GPHN: variants seen among roughly 807,000 people sequenced by gnomAD.
The protein encoded by GPHN is gephyrin.
Under a neutral mutation model 95.5 loss-of-function variants are expected in GPHN, and 17 were observed. The ratio of observed to expected loss-of-function variants is 0.18; its 90% CI spans 0.12 to 0.27. The LOEUF (loss-of-function observed/expected upper bound fraction) is 0.27, where lower values mean the gene tolerates loss of function less well. GPHN is among the 10% of genes least tolerant of loss of function. GPHN has a pLI of 1.00. For synonymous variants in GPHN, 320 were observed against 322.5 expected (o/e 0.99, Z 0.08); for missense variants, 660 against 978.1 (o/e 0.67, Z 4.34).
At chr14:67,225,315 C>T in the GPHN span, 1 of 1,284,274 alleles carries the variant, frequency 7.8e-7, no homozygotes, top group Admixed American at 3.5e-5. Context: ...AGCTATGATA[C>T]TGTCACACAA....
At chr14:67,698,628 T>TA in the GPHN span, among the ~76,000 whole-genome samples, 1 of 152,040 alleles carries the variant, frequency 6.6e-6, no homozygotes, top group East Asian at 1.9e-4. Context: ...AAGTTTAACA[T>TA]AAAAAAATTA....
chr14:67,554,869 C>G, the GPHN span, among the ~76,000 whole-genome samples: 35 of 152,268 alleles, frequency 2.3e-4, no homozygotes, highest in East Asian at 3.9e-4. Flanking sequence ...TGCTCCTCAG[C>G]CTTGAGTGAC....
chr14:66,890,276 C>T (rs1248750102), intron 5 of GPHN, among the ~76,000 whole-genome samples: 1 of 151,962 alleles, frequency 6.6e-6, no homozygotes, highest in Non-Finnish European at 1.5e-5. Flanking sequence ...GGTGTAGTGG[C>T]ACACACCTGT....
At chr14:66,907,910 C>A (rs1274731815) in intron 5 of GPHN, among the ~76,000 whole-genome samples, 2 of 151,830 alleles carry the variant, frequency 1.3e-5, no homozygotes, top group Non-Finnish European at 2.9e-5. Flanking sequence ...GGGGAAGAGG[C>A]TAGAATGATC....
At chr14:67,599,463 T>G in the GPHN span, among the ~76,000 whole-genome samples, 1 of 152,058 alleles carries the variant, frequency 6.6e-6, no homozygotes, top group Non-Finnish European at 1.5e-5. Context: ...AGAAAGTACT[T>G]GAAATTGGGG....
the GPHN span, among the ~76,000 whole-genome samples, chr14:67,231,043 A>G: frequency 3.9e-5 from 6 of 152,116 alleles, no homozygotes; most frequent in African/African-American, 1.4e-4. Context: ...AACACAGTGT[A>G]TACAGGGTTC....
the GPHN span, chr14:67,334,563 T>C: frequency 2.6e-5 from 4 of 152,606 alleles, no homozygotes; most frequent in Non-Finnish European, 4.4e-5. Flanking sequence ...TTTGAACAAA[T>C]GTAGACAGTT....
intron 2 of GPHN, among the ~76,000 whole-genome samples, chr14:66,763,508 G>A (rs919986292): frequency 5.0e-4 from 75 of 148,776 alleles, no homozygotes; most frequent in African/African-American, 1.8e-3. Flanking sequence ...TTTTGTTCTT[G>A]CGATGGTTTA....
chr14:67,521,317 A>G, the GPHN span, among the ~76,000 whole-genome samples: 261 of 152,340 alleles, frequency 1.7e-3, no homozygotes, highest in African/African-American at 6.0e-3. Context: ...AAGCAAATGC[A>G]AAAGTTTACT....
chr14:66,908,340 C>G (rs1422527210), intron 5 of GPHN, among the ~76,000 whole-genome samples: 1 of 151,900 alleles, frequency 6.6e-6, no homozygotes, highest in Non-Finnish European at 1.5e-5. Flanking sequence ...AGTCAATTGA[C>G]ATCTCCCGAT....
At chr14:67,225,197 A>C in the GPHN span, 1 of 1,548,882 alleles carries the variant, frequency 6.5e-7, no homozygotes, top group African/African-American at 1.4e-5. Flanking sequence ...CAAGGGAATG[A>C]ATGTGAGGAA....
intron 5 of GPHN, among the ~76,000 whole-genome samples, chr14:66,902,356 C>G (rs2065161366): frequency 6.6e-6 from 1 of 151,880 alleles, no homozygotes; most frequent in Non-Finnish European, 1.5e-5. Context: ...TTTGAATGCC[C>G]TTTGTTTCTT....
At chr14:67,359,912 C>G in the GPHN span, 1 of 573,576 alleles carries the variant, frequency 1.7e-6, no homozygotes, top group Non-Finnish European at 3.0e-6. Flanking sequence ...AGGCGTTGCC[C>G]GGATGTCGAG....
intron 13 of GPHN, among the ~76,000 whole-genome samples, chr14:67,108,684 AT>A (rs200076444): frequency 7.6e-6 from 1 of 131,958 alleles, no homozygotes. Context: ...GTAGTAAGGT[AT>A]TTTTTTTTCT....
chr14:67,100,080 A>AT (rs369033049), intron 12 of GPHN, among the ~76,000 whole-genome samples: 156 of 150,736 alleles, frequency 1.0e-3, no homozygotes, highest in African/African-American at 3.3e-3. Context: ...CAATTATGGA[A>AT]TTTTTTTTTT....
At chr14:67,623,534 CTTTTTTTTTTTTTTT>C in the GPHN span, among the ~76,000 whole-genome samples, 2 of 82,924 alleles carry the variant, frequency 2.4e-5, no homozygotes, top group African/African-American at 4.9e-5. Context: ...CTCAGGTAAC[CTTTTTTTTTTTTTTT>C]TTTTTTTTTT....
intron 14 of GPHN, among the ~76,000 whole-genome samples, chr14:67,111,609 T>C (rs2078377217): frequency 6.6e-6 from 1 of 152,158 alleles, no homozygotes; most frequent in African/African-American, 2.4e-5. Context: ...CAAGATTTAA[T>C]ATTTGAATTG....
chr14:67,130,220 A>G (rs2079614750), intron 17 of GPHN, among the ~76,000 whole-genome samples: 1 of 152,176 alleles, frequency 6.6e-6, no homozygotes, highest in Non-Finnish European at 1.5e-5. Flanking sequence ...TCACCCAGGT[A>G]GTGAGGATAG....
chr14:67,048,314 A>G (rs75975861), intron 10 of GPHN, among the ~76,000 whole-genome samples: 1 of 152,220 alleles, frequency 6.6e-6, no homozygotes, highest in East Asian at 1.9e-4. Context: ...AAATCTCACT[A>G]ACATTTTTAT....
Sources: allele counts gnomAD v4.1 joint callset (sites outside exome capture counted in the v4.1 genomes callset), GRCh38; gene constraint gnomAD v4.1.1; transcripts MANE v1.5; gene names NCBI Gene and HGNC (gene_info 2026-07-23, HGNC 2026-07-21).